Variants in ILF2 observed in about 807,000 individuals in gnomAD.
ILF2 encodes the protein interleukin enhancer binding factor 2, also known as interleukin enhancer-binding factor 2.
A neutral mutation model predicts 55.3 loss-of-function variants in ILF2; 9 were observed. The ratio of observed to expected loss-of-function variants is 0.16; its 90% CI spans 0.10 to 0.28. ILF2 has a LOEUF of 0.28. Among genes scored for constraint, ILF2 ranks in the 10% least tolerant of loss-of-function variants. The probability of loss-of-function intolerance (pLI) is 1.00; values close to 1 mark genes in which losing one functional copy is unlikely to be tolerated. For missense variants in ILF2, 266 were observed against 474.9 expected, an observed-to-expected ratio of 0.56 and a Z score of 4.09; for synonymous variants, 151 against 161.8, an observed-to-expected ratio of 0.93 and a Z score of 0.50.
chr1:153,667,704 G>A, intron 5 of ILF2, 47 bp from the exon 6 acceptor site: 2 of 1,317,744 alleles, frequency 1.5e-6, no homozygotes, highest in Non-Finnish European at 2.2e-6. Context: ...AAGAAAAAAA[G>A]GTGCCTAGGT....
chr1:153,665,605 C>G (rs763679348), intron 7 of ILF2, 58 bp downstream of exon 7: 1 of 1,363,350 alleles, frequency 7.3e-7, no homozygotes. Context: ...AGTGTACTTA[C>G]AATTACAAGA....
intron 6 of ILF2, among the ~76,000 whole-genome samples, chr1:153,666,781 C>CT (rs1669319055): frequency 6.6e-6 from 1 of 152,226 alleles, no homozygotes; most frequent in South Asian, 2.1e-4. Context: ...GCTATACATT[C>CT]TTTCAGACAC....
At chr1:153,669,441 T>C (rs1302443214) in intron 3 of ILF2, among the ~76,000 whole-genome samples, 1 of 152,044 alleles carries the variant, frequency 6.6e-6, no homozygotes. Context: ...CACAGTTGAC[T>C]CAAAACCCCA....
intron 8 of ILF2, 78 bp from the exon 9 acceptor site, chr1:153,664,552 A>C (rs746840109): frequency 3.9e-5 from 46 of 1,173,110 alleles, no homozygotes; most frequent in Non-Finnish European, 5.9e-5. Context: ...TACAGTCTTA[A>C]AAACTTGGAA....
chr1:153,662,632 G>A, intron 13 of ILF2, 73 bp downstream of exon 13: 3 of 1,568,224 alleles, frequency 1.9e-6, no homozygotes, highest in Admixed American at 1.7e-5. Flanking sequence ...AAATATTAAA[G>A]ACATTTAAGT....
chr1:153,670,792 AGTTCTCAG>A (rs1467985048), intron 1 of ILF2, 118 bp downstream of exon 1: 1 of 1,092,550 alleles, frequency 9.2e-7, no homozygotes, highest in East Asian at 2.3e-5. Context: ...CTAGACCAGG[AGTTCTCAG>A]GTTTTTGGCC....
At position 153,662,974 on chromosome 1, in the gene ILF2, CAA is replaced by C. The variant is rs745571013; in HGVS notation, c.921+43_921+44del. 3.5e-5 allele frequency: 54 copies of C among 1,527,168 alleles called. No individual in the cohort carries two copies. The South Asian group carries it at 4.2e-4, about 12-fold the overall frequency. 94.6% of individuals were successfully genotyped at this position (1,527,168 alleles called of 1,614,324 possible). ...GCTTTGCCTGCTGAGCAGCAGTATTCAAAAGAGTGGGGCAAAACAACTCAGTT... is the reference window on the plus strand; with the variant it reads ...GCTTTGCCTGCTGAGCAGCAGTATTCAAGAGTGGGGCAAAACAACTCAGTT... On this transcript the variant is annotated intron_variant, in intron 12 of 13. Coordinates refer to ENST00000361891, the MANE Select transcript of ILF2 (RefSeq NM_004515.4).
intron 3 of ILF2, 100 bp from the exon 4 acceptor site, chr1:153,668,657 A>G: frequency 1.5e-6 from 2 of 1,346,050 alleles, no homozygotes; most frequent in East Asian, 2.6e-5. Flanking sequence ...AAAAACAGAA[A>G]ATTCTACACT....
At chr1:153,668,135 A>C in intron 4 of ILF2, 58 bp from the exon 5 acceptor site, 1 of 1,309,516 alleles carries the variant, frequency 7.6e-7, no homozygotes, top group African/African-American at 1.5e-5. Context: ...ATTTCTCAGA[A>C]TTTGAATATT....
chr1:153,662,302 TC>T lies in ILF2; in HGVS notation c.*93del. The T allele has an allele frequency of 6.7e-7, 1 of 1,498,066 alleles. No individual in the cohort carries two copies. The allele number at this position is 1,498,066 out of a possible 1,614,324, so 92.8% of individuals were successfully genotyped here. ...ACTTTTCTTCCTGCTATCTTCCCTA[TC>T]CCACGGAAATGTCTGTCACCATGTA... On this transcript the variant is annotated 3_prime_UTR_variant, in exon 14 of 14. Transcript: ENST00000361891.
rs1669247580 is a variant in ILF2 at position 153,664,089 on chromosome 1, C to T, written c.698G>A (p.Arg233His). Residue 233 changes from arginine (R) to histidine (H), a missense_variant, in exon 10 of 14, where the codon CGT becomes CAT. Coordinates refer to ENST00000361891, the MANE Select transcript of ILF2 (RefSeq NM_004515.4). ...LIRLLKDLRI[R>H]FPGFEPLTPW... ...TGTGAGGGGCTCAAAGCCAGGAAAA[C>T]GAATCCTCAAGTCCTTCAGTAGTCT... 5.6e-6 allele frequency: 9 copies of T among 1,613,438 alleles called. No homozygotes were observed. Among genetic ancestry groups the T allele is most frequent in the South Asian group, 3.3e-5 (3 of 91,036 alleles).
At chr1:153,668,369 T>C (rs1450808292) in intron 4 of ILF2, 84 bp downstream of exon 4, 11 of 1,521,996 alleles carry the variant, frequency 7.2e-6, no homozygotes, top group Non-Finnish European at 9.9e-6. Flanking sequence ...GTTAACACCA[T>C]TCTTAACCTT....
chr1:153,662,561 G>A lies in ILF2; in HGVS notation c.1013-5C>T. ...TAGATATTTCAGAAGCAAGATCTAG[G>A]AAAGAGAAAAAGGTGATTTAGACGA... On this transcript the variant is annotated splice_region_variant and splice_polypyrimidine_tract_variant and intron_variant, in intron 13 of 13. Transcript: ENST00000361891. 1 of 1,613,250 alleles carries A rather than the reference G, an allele frequency of 6.2e-7. No homozygotes were observed. The highest frequency in any genetic ancestry group is 8.5e-7 in the Non-Finnish European group (1 of 1,179,420).
Position 153,662,423 on chromosome 1 carries a change from T to C in ILF2, c.1146A>G (p.Glu382=). Residue 382 remains glutamate, a synonymous_variant, in exon 14 of 14, where the codon GAA becomes GAG. Coordinates refer to ENST00000361891, the MANE Select transcript of ILF2 (RefSeq NM_004515.4). ...ENTEEPPQGE[E]EESMETQE ...ACTCCTGAGTTTCCATGCTTTCTTC[T>C]TCCTCTCCTTGAGGTGGTTCTTCTG... The C allele has an allele frequency of 6.2e-7, 1 of 1,613,982 alleles. No individual in the cohort carries two copies. Among genetic ancestry groups the C allele is most frequent in the Non-Finnish European group, 8.5e-7 (1 of 1,179,858 alleles).
intron 6 of ILF2, among the ~76,000 whole-genome samples, chr1:153,666,451 C>T (rs1669308789): frequency 6.6e-6 from 1 of 152,054 alleles, no homozygotes; most frequent in South Asian, 2.1e-4. Context: ...CAGGCGTGAG[C>T]CACTGCACCC....
chr1:153,670,867 A>G, intron 1 of ILF2, 51 bp downstream of exon 1: 1 of 1,612,994 alleles, frequency 6.2e-7, no homozygotes. Flanking sequence ...CCACGTTCAC[A>G]AAGTTTTCCG....
chr1:153,669,854 G>C lies in ILF2; in HGVS notation c.90C>G (p.Ile30Met). Residue 30 changes from isoleucine to methionine, a missense_variant, in exon 3 of 14, where the codon ATC (isoleucine) becomes ATG (methionine). Physicochemically the swap from Ile to Met is conservative, Grantham distance 10 (BLOSUM62 1). Transcript: ENST00000361891. ...TACTCACCAAATAGAAGTCAAATGG[G>C]ATATGTGGTACAAAGGGCCTGAACC... is the stretch of plus-strand genomic sequence containing the variant. ...GGGFRPFVPH[I>M]PFDFYLCEMA... The C allele has an allele frequency of 6.2e-7, 1 of 1,612,966 alleles. No individual in the cohort carries two copies. The highest frequency in any genetic ancestry group is 8.5e-7 in the Non-Finnish European group (1 of 1,178,988).
rs532803345 is a variant in ILF2, at chr1:153,667,520, G to A, written c.394+35C>T. 58 of 1,383,282 alleles carry A rather than the reference G, an allele frequency of 4.2e-5. No individual in the cohort carries two copies. In the South Asian group the frequency reaches 6.4e-4, roughly 15 times the overall value. The allele number at this position is 1,383,282 out of a possible 1,614,324, so 85.7% of individuals were successfully genotyped here. ...CCTAAACCCCTAATCCAAGTGCTAT[G>A]TTCTGTTCCCATGACCAGAAACAGG... On this transcript the variant is annotated intron_variant, in intron 6 of 13. Coordinates refer to ENST00000361891, the MANE Select transcript of ILF2 (RefSeq NM_004515.4).
intron 2 of ILF2, 55 bp from the exon 3 acceptor site, chr1:153,669,933 A>C: frequency 2.1e-6 from 3 of 1,417,852 alleles, no homozygotes; most frequent in Non-Finnish European, 3.0e-6. Flanking sequence ...AGCGAGATGT[A>C]AATAACACGC....
Sources: allele counts gnomAD v4.1 joint callset (sites outside exome capture counted in the v4.1 genomes callset), GRCh38; gene constraint gnomAD v4.1.1; transcripts MANE v1.5; gene names NCBI Gene and HGNC (gene_info 2026-07-23, HGNC 2026-07-21).